PRCD: variants seen among roughly 807,000 people sequenced by gnomAD.
PRCD encodes the protein photoreceptor disc component.
Under a neutral mutation model 10.1 loss-of-function variants are expected in PRCD, and 12 were observed. The observed-to-expected ratio is 1.18, with a 90% CI of 0.76 to 1.92. PRCD has a LOEUF of 1.92. Among genes scored for constraint, PRCD ranks in the 40% most tolerant of loss-of-function variants. The pLI is 0.00. For synonymous variants in PRCD, 31 were observed against 26.2 expected (o/e 1.18, Z -0.56); for missense variants, 61 against 72.2 (o/e 0.84, Z 0.56).
Position 76,540,772 on chromosome 17 carries a change from A to T in PRCD, c.143+199A>T, listed in dbSNP as rs2074982864. 1.3e-5 allele frequency among the ~76,000 whole-genome samples: 2 copies of T among 152,222 alleles called. No individual in the cohort carries two copies. The highest frequency in any genetic ancestry group is 4.1e-4 in the South Asian group (2 of 4,828). The stretch of plus-strand genomic sequence containing the variant: ...TCTGCGGTTGGGAATGGGAACCCTC[A>T]GCTCGCTCCTCTGGACCAAAGCCGC... On this transcript the variant is annotated intron_variant, in intron 2 of 4. Coordinates refer to ENST00000592014, the MANE Select transcript of PRCD (RefSeq NM_001077620.3). This position sits in a 1 kb window ranked among gnomAD's most constrained non-coding sequence, Gnocchi z 5.0.
Position 76,528,524 on chromosome 17 carries a change from G to T in PRCD, n.45+691G>T. ...AATGGAGCGTCAAGGAGGGTCTTCA[G>T]AACTCGGCCTTCTGCTCGAGGTGCT... On this transcript the variant is annotated intron_variant and non_coding_transcript_variant, in intron 1 of 4. Coordinates refer to the PRCD transcript ENST00000397633. The surrounding 1 kb of genome is among the most constrained non-coding windows in gnomAD (Gnocchi z 5.8). 1 of 1,266,820 alleles carries T rather than the reference G, an allele frequency of 7.9e-7. No individual in the cohort carries two copies. The highest frequency in any genetic ancestry group is 1.0e-6 in the Non-Finnish European group (1 of 990,462). 78.5% of individuals were successfully genotyped at this position (1,266,820 alleles called of 1,614,324 possible).
chr17:76,538,591 C>T, upstream of PRCD: 1 of 433,294 alleles, frequency 2.3e-6, no homozygotes, highest in Non-Finnish European at 4.8e-6. Flanking sequence ...CAGACAGGAC[C>T]TGGCAGACAA....
Position 76,543,023 on chromosome 17 carries a change from T to C in PRCD, c.*60-6T>C. 2.1e-6 allele frequency: 1 copy of C among 475,526 alleles called. No homozygotes were observed. The highest frequency in any genetic ancestry group is 2.0e-5 in the African/African-American group (1 of 50,358). The allele number at this position is 475,526 out of a possible 1,614,324, so 29.5% of individuals were successfully genotyped here. A position where few individuals can be genotyped will look rare whatever the true frequency, so the allele number is the denominator to read the frequency against. ...AGTGCTGATCTGCTCTGGTTTTCTG[T>C]TTCAGCTCAGGTCCTGGTTCGTCCC... On this transcript the variant is annotated splice_region_variant and splice_polypyrimidine_tract_variant and intron_variant, in intron 3 of 4. Transcript: ENST00000592014.
Position 76,528,688 on chromosome 17 carries a change from T to A in PRCD, n.45+855T>A. The A allele has an allele frequency of 8.2e-7, 1 of 1,217,516 alleles. No individual in the cohort carries two copies. Among genetic ancestry groups the A allele is most frequent in the East Asian group, 3.2e-5 (1 of 31,584 alleles). The allele number at this position is 1,217,516 out of a possible 1,614,324, so 75.4% of individuals were successfully genotyped here. A position where few individuals can be genotyped will look rare whatever the true frequency, so the allele number is the denominator to read the frequency against. On this transcript the variant is annotated intron_variant and non_coding_transcript_variant, in intron 1 of 4. Coordinates refer to the PRCD transcript ENST00000397633. The surrounding 1 kb of genome is among the most constrained non-coding windows in gnomAD (Gnocchi z 5.8). ...ACCCTCGGGGGAAAGGGGGAGGACC[T>A]GGGGCTGGCGAGGCTCACTTCCTGC...
At chr17:76,549,365 C>T (rs943854598), downstream of PRCD, among the ~76,000 whole-genome samples, 2 of 152,180 alleles carry the variant, frequency 1.3e-5, no homozygotes, top group South Asian at 2.1e-4. Context: ...CGGTGGCTCA[C>T]GCCTGTAATA....
chr17:76,540,630 T>C lies in PRCD; in HGVS notation c.143+57T>C. ...GGTGCTGCCAAGGAAGCTGTGGCTG[T>C]GCATGCCTGGGGGTGCACGTGTGTG... On this transcript the variant is annotated intron_variant, in intron 2 of 4. Coordinates refer to ENST00000592014, the MANE Select transcript of PRCD (RefSeq NM_001077620.3). The surrounding 1 kb of genome is among the most constrained non-coding windows in gnomAD (Gnocchi z 5.0). 6.4e-7 allele frequency: 1 copy of C among 1,554,732 alleles called. No homozygotes were observed. The highest frequency in any genetic ancestry group is 8.9e-7 in the Non-Finnish European group (1 of 1,129,142).
At position 76,531,337 on chromosome 17, in the gene PRCD, T is replaced by C; in HGVS notation, n.45+3504T>C. Reference sequence around the variant, plus strand: ...CCATCCTGCTGCCGGGCACTGCCCCTCCCTCTCGCAGCCACTCCGGGGATC... The same window carrying C: ...CCATCCTGCTGCCGGGCACTGCCCCCCCCTCTCGCAGCCACTCCGGGGATC... On this transcript the variant is annotated intron_variant and non_coding_transcript_variant, in intron 1 of 4. Coordinates refer to the PRCD transcript ENST00000397633. The surrounding 1 kb of genome is among the most constrained non-coding windows in gnomAD (Gnocchi z 7.4). 7.6e-7 allele frequency: 1 copy of C among 1,310,890 alleles called. No homozygotes were observed. The highest frequency in any genetic ancestry group is 1.0e-6 in the Non-Finnish European group (1 of 953,312). 81.2% of individuals were successfully genotyped at this position (1,310,890 alleles called of 1,614,324 possible).
downstream of PRCD, among the ~76,000 whole-genome samples, chr17:76,549,719 G>A (rs1275855166): frequency 6.6e-6 from 1 of 152,162 alleles, no homozygotes. Context: ...GATATATAAA[G>A]ATAGAATAAT....
chr17:76,542,094 G>T (rs2074998480), intron 2 of PRCD, among the ~76,000 whole-genome samples: 1 of 152,198 alleles, frequency 6.6e-6, no homozygotes, highest in African/African-American at 2.4e-5. Flanking sequence ...GGGACAGGGA[G>T]ATTTAGGTGG....
In PRCD at chr17:76,542,581, A is replaced by G. The variant is rs764664394; in HGVS notation, c.*7A>G. ...GAAAGAACCTCTGAAGTAAGCCCTC[A>G]CCTCTGCAGGTGGGGCTCAGGCCCA... On this transcript the variant is annotated 3_prime_UTR_variant, in exon 3 of 5. Transcript: ENST00000592014. The G allele has an allele frequency of 2.1e-5, 34 of 1,613,834 alleles. No homozygotes were observed. Among genetic ancestry groups the G allele is most frequent in the Non-Finnish European group, 2.6e-5 (31 of 1,179,932 alleles).
At chr17:76,529,123 AC>A in intron 1 of PRCD, 1 of 958,518 alleles carries the variant, frequency 1.0e-6, no homozygotes, top group Non-Finnish European at 1.2e-6. Context: ...CGCCTGGCCC[AC>A]CCCTGCTTCC....
downstream of PRCD, among the ~76,000 whole-genome samples, chr17:76,548,339 C>A (rs1339566096): frequency 6.6e-6 from 1 of 152,188 alleles, no homozygotes; most frequent in Non-Finnish European, 1.5e-5. Flanking sequence ...GAGGCAGAAG[C>A]CATTTGAACT....
In PRCD at chr17:76,528,132, G is replaced by GTA. The variant is rs1177295031; in HGVS notation, n.45+309_45+310dup. On this transcript the variant is annotated intron_variant and non_coding_transcript_variant, in intron 1 of 4. Transcript: ENST00000397633. This position sits in a 1 kb window ranked among gnomAD's most constrained non-coding sequence, Gnocchi z 5.8. ...GATATGTATGTGTGTATATATATATGTATATATATATTTATATATAGCTCG... is the reference window on the plus strand; with the variant it reads ...GATATGTATGTGTGTATATATATATGTATATATATATATTTATATATAGCTCG... The GTA allele has an allele frequency of 2.4e-4, 81 of 333,650 alleles. No individual in the cohort carries two copies. Among genetic ancestry groups the GTA allele is most frequent in the Middle Eastern group, 2.3e-3 (3 of 1,280 alleles). The allele number at this position is 333,650 out of a possible 1,614,324, so 20.7% of individuals were successfully genotyped here. A position where few individuals can be genotyped will look rare whatever the true frequency, so the allele number is the denominator to read the frequency against.
chr17:76,529,545 C>A (rs2074809691), intron 1 of PRCD: 4 of 985,240 alleles, frequency 4.1e-6, no homozygotes, highest in Non-Finnish European at 4.8e-6. Flanking sequence ...TCCAGTCTCT[C>A]TTGGCCCTTG....
chr17:76,549,127 C>T (rs928525059), downstream of PRCD, among the ~76,000 whole-genome samples: 8 of 152,190 alleles, frequency 5.3e-5, no homozygotes, highest in African/African-American at 1.9e-4. Flanking sequence ...AAAATCAATA[C>T]ACTGGACTTT....
Position 76,544,312 on chromosome 17 carries a change from T to C in PRCD, c.*662T>C. ...GACTTCCAGGCAGTAGAAGATGGAG[T>C]TCTCTAGACAGCAGCACTTCAGCCG... On this transcript the variant is annotated 3_prime_UTR_variant, in exon 5 of 5. Transcript: ENST00000592014. The C allele has an allele frequency of 2.2e-6, 1 of 453,948 alleles. No individual in the cohort carries two copies. Among genetic ancestry groups the C allele is most frequent in the South Asian group, 1.6e-5 (1 of 64,446 alleles). The allele number at this position is 453,948 out of a possible 1,614,324, so 28.1% of individuals were successfully genotyped here. A position where few individuals can be genotyped will look rare whatever the true frequency, so the allele number is the denominator to read the frequency against.
rs2074788663 is a variant in PRCD, at chr17:76,528,116, G to A, written n.45+283G>A. 7.0e-6 allele frequency: 3 copies of A among 426,172 alleles called. No homozygotes were observed. Among genetic ancestry groups the A allele is most frequent in the African/African-American group, 2.0e-5 (1 of 50,372 alleles). The allele number at this position is 426,172 out of a possible 1,614,324, so 26.4% of individuals were successfully genotyped here. A position where few individuals can be genotyped will look rare whatever the true frequency, so the allele number is the denominator to read the frequency against. On this transcript the variant is annotated intron_variant and non_coding_transcript_variant, in intron 1 of 4. Coordinates refer to the PRCD transcript ENST00000397633. This position sits in a 1 kb window ranked among gnomAD's most constrained non-coding sequence, Gnocchi z 5.8. ...GCGGATACACATTCTAGATATGTAT[G>A]TGTGTATATATATATGTATATATAT...
downstream of PRCD, among the ~76,000 whole-genome samples, chr17:76,549,316 C>T (rs192656538): frequency 1.2e-4 from 19 of 152,334 alleles, no homozygotes; most frequent in Non-Finnish European, 2.6e-4. Flanking sequence ...AAACATACAG[C>T]TAAAATACAT....
downstream of PRCD, chr17:76,550,252 A>G (rs113772236): frequency 0.12 from 16,724 of 143,302 alleles, 2,713 homozygotes; most frequent in African/African-American, 0.37. Context: ...CACCGTGCCC[A>G]GCCTAGAAGG....
Sources: gnomAD v4.1 joint callset for allele counts (sites outside exome capture counted in the v4.1 genomes callset) on GRCh38, gnomAD v4.1.1 for gene constraint, Gnocchi (gnomAD v3.1) non-coding constraint, MANE v1.5 for transcripts, NCBI Gene and HGNC (gene_info 2026-07-23, HGNC 2026-07-21) for gene names.